LRRC4C: variants seen among roughly 807,000 people sequenced by gnomAD.
LRRC4C encodes the protein leucine-rich repeat-containing protein 4C.
LRRC4C carries 5 observed loss-of-function variants against 33.6 expected under a neutral mutation model. The ratio of observed to expected loss-of-function variants is 0.15; its 90% CI spans 0.08 to 0.31. The LOEUF is 0.31. LRRC4C is among the 10% of genes least tolerant of loss of function. LRRC4C has a pLI of 1.00. For synonymous variants in LRRC4C, 329 were observed against 302.0 expected (o/e 1.09, Z -0.93); for missense variants, 560 against 796.7 (o/e 0.70, Z 3.58).
Position 40,796,635 on chromosome 11 carries a change from CTT to C in LRRC4C, c.-407+136998_-407+136999del, listed in dbSNP as rs1188389556. Among the ~76,000 whole-genome samples the C allele has an allele frequency of 7.4e-3, 778 of 104,920 alleles. 6 individuals carry two copies. The highest frequency in any genetic ancestry group is 0.027 in the African/African-American group (721 of 26,330). 68.8% of individuals were successfully genotyped at this position (104,920 alleles called of 152,430 possible). A position where few individuals can be genotyped will look rare whatever the true frequency, so the allele number is the denominator to read the frequency against. ...AAACAAAAGAGGGCTAAGCAGAACTCTTTTTTTTTTTTTTTTTTTTTTTTATT... is the reference window on the plus strand; with the variant it reads ...AAACAAAAGAGGGCTAAGCAGAACTCTTTTTTTTTTTTTTTTTTTTTTATT... On this transcript the variant is annotated intron_variant, in intron 2 of 6. Coordinates refer to ENST00000528697, the MANE Select transcript of LRRC4C (RefSeq NM_001258419.2).
intron 4 of LRRC4C, among the ~76,000 whole-genome samples, chr11:40,246,396 A>T (rs923556188): frequency 1.7e-4 from 26 of 152,174 alleles, no homozygotes; most frequent in Admixed American, 1.2e-3. Context: ...CACTCTGCAG[A>T]CTTTTGATTT....
intron 1 of LRRC4C, among the ~76,000 whole-genome samples, chr11:41,292,067 C>T (rs527592440): frequency 4.6e-5 from 7 of 152,220 alleles, no homozygotes; most frequent in African/African-American, 1.4e-4. Context: ...ATATTAGCTG[C>T]TCCTGCATGG....
At chr11:40,552,994 G>A (rs1355557981) in intron 3 of LRRC4C, among the ~76,000 whole-genome samples, 1 of 152,114 alleles carries the variant, frequency 6.6e-6, no homozygotes, top group Non-Finnish European at 1.5e-5. Context: ...GATCAGGCCG[G>A]GTGCGGTAAC....
At chr11:40,214,555 G>A (rs80020135) in intron 5 of LRRC4C, among the ~76,000 whole-genome samples, 1,900 of 152,110 alleles carry the variant, frequency 0.012, 18 homozygotes, top group Non-Finnish European at 0.016. Context: ...AGTAATCAAG[G>A]TTAAATGAGG....
intron 2 of LRRC4C, among the ~76,000 whole-genome samples, chr11:40,675,494 G>T (rs1160800397): frequency 6.6e-6 from 1 of 152,228 alleles, no homozygotes; most frequent in East Asian, 1.9e-4. Context: ...CCTCAACGCT[G>T]CATCCCTTTT....
chr11:40,604,170 T>A (rs767408546), intron 3 of LRRC4C, among the ~76,000 whole-genome samples: 14 of 152,250 alleles, frequency 9.2e-5, no homozygotes, highest in Middle Eastern at 6.9e-3. Context: ...TATATAAATT[T>A]ACCAACAGGA....
At chr11:41,073,196 G>A (rs7127655) in intron 1 of LRRC4C, among the ~76,000 whole-genome samples, 10,105 of 152,220 alleles carry the variant, frequency 0.066, 398 homozygotes, top group Non-Finnish European at 0.095. Flanking sequence ...TCAGAGTTAT[G>A]GTGGCTGGAA....
Position 40,460,521 on chromosome 11 carries a change from T to C in LRRC4C, c.-269-140800A>G, listed in dbSNP as rs552821837. 6.6e-5 allele frequency among the ~76,000 whole-genome samples: 10 copies of C among 152,222 alleles called. No homozygotes were observed. In the East Asian group the frequency reaches 9.7e-4, roughly 15 times the overall value. ...GCATTCTGGATAATTATGGAGGAAA[T>C]TTCTTATATTACTATACCTCAAGAA... On this transcript the variant is annotated intron_variant, in intron 3 of 6. Transcript: ENST00000528697.
At chr11:40,817,408 A>G (rs1591797651) in intron 2 of LRRC4C, among the ~76,000 whole-genome samples, 1 of 152,306 alleles carries the variant, frequency 6.6e-6, no homozygotes, top group East Asian at 1.9e-4. Context: ...ACTCATAATG[A>G]TACTGGGATC....
chr11:40,472,308 A>G (rs1952983242), intron 3 of LRRC4C, among the ~76,000 whole-genome samples: 1 of 150,970 alleles, frequency 6.6e-6, no homozygotes, highest in African/African-American at 2.4e-5. Flanking sequence ...AAAGAAACTC[A>G]CTCAAAACCG....
chr11:40,464,752 A>G (rs1952570981), intron 3 of LRRC4C, among the ~76,000 whole-genome samples: 1 of 151,740 alleles, frequency 6.6e-6, no homozygotes, highest in South Asian at 2.1e-4. Flanking sequence ...AAATAAATAA[A>G]ACATAGGATG....
chr11:41,367,830 C>T (rs914556700), intron 1 of LRRC4C, among the ~76,000 whole-genome samples: 14 of 152,052 alleles, frequency 9.2e-5, no homozygotes, highest in African/African-American at 3.1e-4. Context: ...TCCCAGTTAC[C>T]CAGGCTATTA....
intron 3 of LRRC4C, among the ~76,000 whole-genome samples, chr11:40,603,605 C>T (rs1051618997): frequency 2.0e-5 from 3 of 152,234 alleles, no homozygotes; most frequent in Admixed American, 6.5e-5. Flanking sequence ...TGAGACAACC[C>T]CAATTCTCCG....
At chr11:41,131,455 T>A (rs1034250612) in intron 1 of LRRC4C, among the ~76,000 whole-genome samples, 1 of 152,106 alleles carries the variant, frequency 6.6e-6, no homozygotes, top group Non-Finnish European at 1.5e-5. Context: ...TTTTTATACA[T>A]GGATTTTGTA....
intron 1 of LRRC4C, among the ~76,000 whole-genome samples, chr11:41,370,499 G>A (rs1343773287): frequency 6.6e-6 from 1 of 152,140 alleles, no homozygotes; most frequent in South Asian, 2.1e-4. Context: ...TAAGTCCTAA[G>A]AGATCTGATG....
chr11:40,903,902 T>C (rs1016166502), intron 2 of LRRC4C, among the ~76,000 whole-genome samples: 1 of 151,244 alleles, frequency 6.6e-6, no homozygotes, highest in Non-Finnish European at 1.5e-5. Flanking sequence ...ATGTACTTCA[T>C]AAATATATAT....
chr11:40,919,284 T>A (rs1461390729), intron 2 of LRRC4C, among the ~76,000 whole-genome samples: 1 of 152,136 alleles, frequency 6.6e-6, no homozygotes, highest in Non-Finnish European at 1.5e-5. Context: ...TAATCCAAGT[T>A]TTACCACCTT....
intron 3 of LRRC4C, among the ~76,000 whole-genome samples, chr11:40,584,564 T>C (rs1958624510): frequency 6.6e-6 from 1 of 152,062 alleles, no homozygotes; most frequent in South Asian, 2.1e-4. Flanking sequence ...AAACAATTTG[T>C]CATCGGAGAA....
chr11:40,524,502 AG>A (rs1313436300), intron 3 of LRRC4C, among the ~76,000 whole-genome samples: 1 of 152,212 alleles, frequency 6.6e-6, no homozygotes, highest in Non-Finnish European at 1.5e-5. Context: ...ATTGTTATTT[AG>A]TATATAAAAA....
Sources: allele counts gnomAD v4.1 joint callset (sites outside exome capture counted in the v4.1 genomes callset), GRCh38; gene constraint gnomAD v4.1.1; transcripts MANE v1.5; gene names NCBI Gene and HGNC (gene_info 2026-07-23, HGNC 2026-07-21).